HTR4: variants seen among roughly 807,000 people sequenced by gnomAD.
HTR4 encodes 5-hydroxytryptamine (serotonin) receptor 4, G protein-coupled.
HTR4 carries 16 observed loss-of-function variants against 36.8 expected under a neutral mutation model. That is an observed-to-expected ratio of 0.43 (90% confidence interval 0.29 to 0.66). HTR4 has a LOEUF of 0.66. Among genes scored for constraint, HTR4 ranks in the 30% least tolerant of loss-of-function variants. HTR4 has a pLI of 0.13. For missense variants in HTR4, 438 were observed against 490.9 expected, an observed-to-expected ratio of 0.89 and a Z score of 1.02; for synonymous variants, 189 against 185.1, an observed-to-expected ratio of 1.02 and a Z score of -0.17.
chr5:148,530,706 C>G (rs1238932244), intron 4 of HTR4, among the ~76,000 whole-genome samples: 2 of 152,166 alleles, frequency 1.3e-5, no homozygotes, highest in Non-Finnish European at 2.9e-5. Context: ...TCCCCAGACC[C>G]CAGAACCAGA....
chr5:148,521,313 G>C (rs112084452), intron 5 of HTR4, among the ~76,000 whole-genome samples: 38 of 152,154 alleles, frequency 2.5e-4, no homozygotes, highest in African/African-American at 8.9e-4. Flanking sequence ...CATTATTCTG[G>C]GTGTGTCTTC....
chr5:148,609,558 T>G (rs2127278245), intron 2 of HTR4, among the ~76,000 whole-genome samples: 1 of 151,782 alleles, frequency 6.6e-6, no homozygotes, highest in African/African-American at 2.4e-5. Flanking sequence ...TATAATGTGC[T>G]TGTGTATAAG....
chr5:148,609,586 T>TG (rs1328613781), intron 2 of HTR4, among the ~76,000 whole-genome samples: 1 of 151,698 alleles, frequency 6.6e-6, no homozygotes, highest in Non-Finnish European at 1.5e-5. Context: ...TAAGGGTTTT[T>TG]TTTTTTTTTT....
rs767552144 is a variant in HTR4, at chr5:148,465,941, G to A, written c.1077-14669C>T. 7.6e-5 allele frequency: 122 copies of A among 1,609,800 alleles called. 1 individual carries two copies. The highest frequency in any genetic ancestry group is 3.3e-4 in the Middle Eastern group (2 of 6,036). ...GGAACAGCCACTTTTAGTTGAAACAGAAAACAGCCACAGATGAGGGAGAGC... is the reference window on the plus strand; with the variant it reads ...GGAACAGCCACTTTTAGTTGAAACAAAAAACAGCCACAGATGAGGGAGAGC... On this transcript the variant is annotated intron_variant, in intron 5 of 5. Transcript: ENST00000521530.
At position 148,563,381 on chromosome 5, in the gene HTR4, C is replaced by T. The variant is rs1833709; in HGVS notation, c.27-13119G>A. 1.9e-3 allele frequency among the ~76,000 whole-genome samples: 290 copies of T among 152,266 alleles called. 7 individuals are homozygous for T. In the East Asian group the frequency reaches 0.031, roughly 16 times the overall value. ...CAGAGAGGACTTATTTAAAAAAGAA[C>T]CTCCCCTCACTCTCTATTCTCTTGA... On this transcript the variant is annotated intron_variant, in intron 2 of 6. Coordinates refer to ENST00000377888, the MANE Select transcript of HTR4 (RefSeq NM_000870.7).
chr5:148,651,028 G>A (rs1007901747), intron 1 of HTR4, among the ~76,000 whole-genome samples: 2 of 152,190 alleles, frequency 1.3e-5, no homozygotes, highest in Non-Finnish European at 2.9e-5. Flanking sequence ...CTCCACAGCT[G>A]AGAGAACTTG....
At chr5:148,460,079 A>G (rs955273099) in intron 5 of HTR4, among the ~76,000 whole-genome samples, 8 of 152,096 alleles carry the variant, frequency 5.3e-5, no homozygotes, top group East Asian at 1.9e-4. Context: ...GGATATCTCA[A>G]TAGAAACCTC....
intron 2 of HTR4, among the ~76,000 whole-genome samples, chr5:148,556,955 A>G (rs1759975105): frequency 1.3e-5 from 2 of 152,314 alleles, no homozygotes; most frequent in South Asian, 2.1e-4. Flanking sequence ...AGTGCATTGC[A>G]TTCAAAGGGA....
intron 6 of HTR4, among the ~76,000 whole-genome samples, chr5:148,501,551 A>G (rs1356420351): frequency 6.6e-6 from 1 of 152,216 alleles, no homozygotes; most frequent in Non-Finnish European, 1.5e-5. Context: ...TTAATTTTAG[A>G]ATTTGTTAAT....
At chr5:148,547,749 T>C (rs1759463890) in intron 4 of HTR4, among the ~76,000 whole-genome samples, 1 of 151,616 alleles carries the variant, frequency 6.6e-6, no homozygotes, top group South Asian at 2.1e-4. Context: ...TAAGAATAAA[T>C]AAAACTAAAT....
At chr5:148,537,647 A>C (rs1758890674) in intron 4 of HTR4, among the ~76,000 whole-genome samples, 1 of 152,124 alleles carries the variant, frequency 6.6e-6, no homozygotes, top group African/African-American at 2.4e-5. Context: ...GAGATGGATA[A>C]ATTCCCGGAC....
chr5:148,492,435 C>CT (rs1756497185), intron 6 of HTR4, among the ~76,000 whole-genome samples: 1 of 152,150 alleles, frequency 6.6e-6, no homozygotes, highest in South Asian at 2.1e-4. Context: ...TTATTTCTGG[C>CT]TTTTCTTCTA....
At chr5:148,549,659 A>G (rs903590740) in intron 3 of HTR4, among the ~76,000 whole-genome samples, 2 of 152,226 alleles carry the variant, frequency 1.3e-5, no homozygotes, top group Admixed American at 6.5e-5. Flanking sequence ...TTTAAATATA[A>G]CTATGTCCAA....
Position 148,482,746 on chromosome 5 carries a change from CAGGAGCGACGCCTCTGGCTA to C in HTR4, c.*437_*456del, listed in dbSNP as rs1755948140. 3 of 1,017,508 alleles carry C rather than the reference CAGGAGCGACGCCTCTGGCTA, an allele frequency of 2.9e-6. No homozygotes were observed. The highest frequency in any genetic ancestry group is 3.5e-6 in the Non-Finnish European group (3 of 847,808). The allele number at this position is 1,017,508 out of a possible 1,614,324, so 63.0% of individuals were successfully genotyped here. A position where few individuals can be genotyped will look rare whatever the true frequency, so the allele number is the denominator to read the frequency against. On this transcript the variant is annotated 3_prime_UTR_variant, in exon 7 of 7. Transcript: ENST00000377888. ...GACGTGACCAAGCAAGTAAGCAAGA[CAGGAGCGACGCCTCTGGCTA>C]AGACAGGAACAGAGAGGGAGTATTT...
intron 5 of HTR4, among the ~76,000 whole-genome samples, chr5:148,518,598 T>C (rs1054847908): frequency 2.0e-5 from 3 of 152,164 alleles, no homozygotes; most frequent in Admixed American, 2.0e-4. Flanking sequence ...GGGCAAATAA[T>C]GTCATTCCTC....
intron 5 of HTR4, among the ~76,000 whole-genome samples, chr5:148,461,592 A>G (rs1306523902): frequency 2.6e-5 from 4 of 152,068 alleles, no homozygotes; most frequent in African/African-American, 9.6e-5. Context: ...CTGCATACAC[A>G]TAAGAACAGA....
At chr5:148,476,340 T>G (rs1755693129), downstream of HTR4, among the ~76,000 whole-genome samples, 1 of 152,220 alleles carries the variant, frequency 6.6e-6, no homozygotes, top group East Asian at 1.9e-4. Flanking sequence ...AACTTTAAGC[T>G]TAAGCCCTTT....
intron 2 of HTR4, among the ~76,000 whole-genome samples, chr5:148,621,902 T>C (rs532837296): frequency 4.6e-5 from 7 of 152,338 alleles, no homozygotes; most frequent in African/African-American, 1.7e-4. Flanking sequence ...ATTTCAATAC[T>C]TCATTCTGAG....
chr5:148,533,508 C>A (rs564219389), intron 4 of HTR4, among the ~76,000 whole-genome samples: 1 of 152,306 alleles, frequency 6.6e-6, no homozygotes, highest in South Asian at 2.1e-4. Context: ...AAGCTCCATG[C>A]TAATCCCTTC....
Sources: gnomAD v4.1 joint callset for allele counts (sites outside exome capture counted in the v4.1 genomes callset) on GRCh38, gnomAD v4.1.1 for gene constraint, MANE v1.5 for transcripts, NCBI Gene and HGNC (gene_info 2026-07-23, HGNC 2026-07-21) for gene names.